DCC: variants seen among roughly 807,000 people sequenced by gnomAD.
DCC encodes the protein netrin receptor DCC.
In DCC, 58 loss-of-function variants were observed where a neutral mutation model predicts 172.5. The ratio of observed to expected loss-of-function variants is 0.34; its 90% confidence interval spans 0.27 to 0.42. DCC has a LOEUF of 0.42. Ranked by LOEUF, DCC falls within the 10% of genes least tolerant of loss-of-function variation. The pLI, the probability that DCC is intolerant of heterozygous loss-of-function variation, is 1.00. For synonymous variants in DCC, 709 were observed against 644.5 expected (o/e 1.10, Z -1.52); for missense variants, 1,740 against 1,791.0 (o/e 0.97, Z 0.51).
chr18:52,798,877 C>G (rs973613913), intron 2 of DCC, among the ~76,000 whole-genome samples: 3 of 151,976 alleles, frequency 2.0e-5, no homozygotes, highest in African/African-American at 7.3e-5. Flanking sequence ...CTCAGCCTCC[C>G]GAGTAGTTGG....
chr18:52,648,779 G>T (rs2035066715), intron 1 of DCC, among the ~76,000 whole-genome samples: 1 of 152,074 alleles, frequency 6.6e-6, no homozygotes, highest in Admixed American at 6.6e-5. Context: ...GAAATTTTAA[G>T]AGAAAAAAAT....
intron 2 of DCC, among the ~76,000 whole-genome samples, chr18:52,790,617 C>T (rs2037743562): frequency 6.6e-6 from 1 of 152,170 alleles, no homozygotes; most frequent in South Asian, 2.1e-4. Context: ...GAAGGAACCA[C>T]ACCATACAAA....
At chr18:53,098,464 T>C (rs1023699081) in intron 7 of DCC, among the ~76,000 whole-genome samples, 1 of 152,174 alleles carries the variant, frequency 6.6e-6, no homozygotes, top group Admixed American at 6.6e-5. Flanking sequence ...TTGAGACTTT[T>C]GAAGATTACA....
At chr18:52,494,328 A>G (rs1420246717) in intron 1 of DCC, among the ~76,000 whole-genome samples, 2 of 149,886 alleles carry the variant, frequency 1.3e-5, no homozygotes. Context: ...GTTGGTGTTT[A>G]TCTTGCCTGG....
chr18:52,737,169 A>T (rs865785304), intron 1 of DCC, among the ~76,000 whole-genome samples: 1 of 152,030 alleles, frequency 6.6e-6, no homozygotes, highest in South Asian at 2.1e-4. Context: ...TATATTAGAG[A>T]CGACGTGAAA....
chr18:53,239,132 G>A (rs986513508), intron 12 of DCC, among the ~76,000 whole-genome samples: 7 of 150,666 alleles, frequency 4.6e-5, no homozygotes, highest in Non-Finnish European at 1.0e-4. Context: ...AACATGGCAC[G>A]TGTATACATA....
chr18:52,862,725 AAAAAAAATTC>A (rs2039163148), intron 2 of DCC, among the ~76,000 whole-genome samples: 2 of 151,380 alleles, frequency 1.3e-5, no homozygotes, highest in African/African-American at 4.8e-5. Flanking sequence ...TAAAAAAATT[AAAAAAAATTC>A]AAAAATCAAA....
At chr18:53,088,848 G>A (rs1161893794) in intron 7 of DCC, among the ~76,000 whole-genome samples, 1 of 152,036 alleles carries the variant, frequency 6.6e-6, no homozygotes, top group East Asian at 1.9e-4. Flanking sequence ...CAAAGTTAAT[G>A]ATCATATAGT....
chr18:52,572,332 GT>G (rs971626414), intron 1 of DCC, among the ~76,000 whole-genome samples: 1 of 152,200 alleles, frequency 6.6e-6, no homozygotes, highest in African/African-American at 2.4e-5. Context: ...CTAGTCCTAA[GT>G]TTTTTTACTG....
intron 12 of DCC, among the ~76,000 whole-genome samples, chr18:53,227,724 C>G (rs542825805): frequency 3.3e-5 from 5 of 152,278 alleles, no homozygotes; most frequent in African/African-American, 1.2e-4. Flanking sequence ...GTGTCTTCTA[C>G]AAATAACTTT....
At chr18:52,956,448 T>C (rs1248758740) in intron 5 of DCC, among the ~76,000 whole-genome samples, 1 of 152,090 alleles carries the variant, frequency 6.6e-6, no homozygotes, top group Non-Finnish European at 1.5e-5. Context: ...ATTTATTCTT[T>C]TACCAATACC....
chr18:52,622,846 C>T (rs2034505440), intron 1 of DCC, among the ~76,000 whole-genome samples: 1 of 151,718 alleles, frequency 6.6e-6, no homozygotes, highest in African/African-American at 2.4e-5. Context: ...TTTAGGTGAC[C>T]AAAAAAAATG....
At chr18:52,743,097 G>C (rs2036848319) in intron 1 of DCC, among the ~76,000 whole-genome samples, 1 of 152,118 alleles carries the variant, frequency 6.6e-6, no homozygotes, top group South Asian at 2.1e-4. Context: ...AAAGTTGATT[G>C]GTCACTTCAC....
Position 52,547,366 on chromosome 18 carries a change from C to G in DCC, c.92-204688C>G, listed in dbSNP as rs2032644376. Among the ~76,000 whole-genome samples the G allele has an allele frequency of 2.0e-5, 3 of 152,292 alleles. No homozygotes were observed. In the East Asian group the frequency reaches 5.8e-4, roughly 29 times the overall value. On this transcript the variant is annotated intron_variant, in intron 1 of 28. Transcript: ENST00000442544. Reference sequence around the variant, plus strand: ...GGGAGAAGGAGGAAAATATGTTTATCAATTGCTGCTGGATATGCATTAATT... The same window carrying G: ...GGGAGAAGGAGGAAAATATGTTTATGAATTGCTGCTGGATATGCATTAATT...
intron 7 of DCC, among the ~76,000 whole-genome samples, chr18:53,066,577 A>G (rs747912393): frequency 6.6e-6 from 1 of 150,948 alleles, no homozygotes; most frequent in East Asian, 1.9e-4. Flanking sequence ...TATAAAATAT[A>G]TAATATATAC....
intron 12 of DCC, among the ~76,000 whole-genome samples, chr18:53,230,624 A>G (rs2144614408): frequency 6.6e-6 from 1 of 152,214 alleles, no homozygotes; most frequent in Admixed American, 6.5e-5. Flanking sequence ...AAATCATCAA[A>G]GTAAGGTGTC....
intron 5 of DCC, among the ~76,000 whole-genome samples, chr18:52,966,669 A>G (rs1373716739): frequency 2.6e-5 from 4 of 152,130 alleles, no homozygotes; most frequent in Non-Finnish European, 4.4e-5. Context: ...GAGTACAGCT[A>G]TGTTAGGCGA....
rs375339720 is a variant in DCC at position 52,374,852 on chromosome 18, G to A, written c.91+33974G>A. On this transcript the variant is annotated intron_variant, in intron 1 of 28. Transcript: ENST00000442544. Reference sequence around the variant, plus strand: ...AATGTTCATTTCACACAGCAGATGAGGAGTTTTGTATGAGAGAAGGGAAGT... The same window carrying A: ...AATGTTCATTTCACACAGCAGATGAAGAGTTTTGTATGAGAGAAGGGAAGT... 4.6e-4 allele frequency among the ~76,000 whole-genome samples: 70 copies of A among 152,278 alleles called. No individual in the cohort carries two copies. The East Asian group carries it at 0.012, about 25-fold the overall frequency.
intron 1 of DCC, among the ~76,000 whole-genome samples, chr18:52,531,305 C>T (rs2032142752): frequency 6.6e-6 from 1 of 152,152 alleles, no homozygotes; most frequent in South Asian, 2.1e-4. Context: ...GCAGCATTTG[C>T]TTGGCTCCAG....
Sources: allele counts gnomAD v4.1 joint callset (sites outside exome capture counted in the v4.1 genomes callset), GRCh38; gene constraint gnomAD v4.1.1; transcripts MANE v1.5; gene names NCBI Gene and HGNC (gene_info 2026-07-23, HGNC 2026-07-21).